Variants in NDRG1 observed in about 807,000 individuals in gnomAD.
NDRG1 encodes N-myc downstream regulated 1.
A neutral mutation model predicts 56.9 loss-of-function variants in NDRG1; 32 were observed. The ratio of observed to expected loss-of-function variants is 0.56; its 90% CI spans 0.42 to 0.76. The LOEUF is 0.76. NDRG1 is among the 30% of genes least tolerant of loss of function. The pLI is 0.00. For missense variants in NDRG1, 507 were observed against 545.7 expected, an observed-to-expected ratio of 0.93 and a Z score of 0.71; for synonymous variants, 211 against 204.1, an observed-to-expected ratio of 1.03 and a Z score of -0.29.
At chr8:133,281,492 A>G (rs896517974) in intron 2 of NDRG1, among the ~76,000 whole-genome samples, 2 of 152,132 alleles carry the variant, frequency 1.3e-5, no homozygotes, top group Non-Finnish European at 2.9e-5. Flanking sequence ...GACTCGGAGG[A>G]CCAACTGGAG....
chr8:133,285,768 C>G (rs1858077001), intron 1 of NDRG1, among the ~76,000 whole-genome samples: 1 of 147,754 alleles, frequency 6.8e-6, no homozygotes, highest in Non-Finnish European at 1.5e-5. Context: ...AGTCTATGCT[C>G]CAGAACATTC....
Position 133,238,456 on chromosome 8 carries a change from T to C in NDRG1, c.*422A>G. On this transcript the variant is annotated 3_prime_UTR_variant, in exon 16 of 16. Coordinates refer to ENST00000323851, the MANE Select transcript of NDRG1 (RefSeq NM_006096.4). ...TGTTTCCGGAAACTGGATCAGCTTC[T>C]CCTCAGTTAAAGAGGAAACGGGAAG... 1 of 265,416 alleles carries C rather than the reference T, an allele frequency of 3.8e-6. No individual in the cohort carries two copies. Among genetic ancestry groups the C allele is most frequent in the Non-Finnish European group, 7.2e-6 (1 of 139,202 alleles). 16.4% of individuals were successfully genotyped at this position (265,416 alleles called of 1,614,324 possible).
At position 133,237,917 on chromosome 8, in the gene NDRG1, A is replaced by G; in HGVS notation, c.*961T>C. 4.3e-6 allele frequency: 1 copy of G among 232,676 alleles called. No individual in the cohort carries two copies. Among genetic ancestry groups the G allele is most frequent in the African/African-American group, 2.2e-5 (1 of 45,308 alleles). 14.4% of individuals were successfully genotyped at this position (232,676 alleles called of 1,614,324 possible). A position where few individuals can be genotyped will look rare whatever the true frequency, so the allele number is the denominator to read the frequency against. ...GAATCCCTTACATCGAGTAACCCCA[A>G]TTCCACCCCCACCCCAGTGCTCCTA... On this transcript the variant is annotated 3_prime_UTR_variant, in exon 16 of 16. Transcript: ENST00000323851.
intron 3 of NDRG1, among the ~76,000 whole-genome samples, chr8:133,272,341 G>A (rs187666270): frequency 6.6e-6 from 1 of 152,356 alleles, no homozygotes; most frequent in African/African-American, 2.4e-5. Context: ...TGGAGCAGGG[G>A]AGGGCGACAA....
Position 133,297,237 on chromosome 8 carries a change from G to A in NDRG1, c.-122C>T, listed in dbSNP as rs1035458947. ...ACTGACGAGCTTCAGCACCAGCTGG[G>A]AGCCAGGCGAGGTTTGTTTACGTCC... On this transcript the variant is annotated 5_prime_UTR_variant, in exon 1 of 16. Transcript: ENST00000323851. The A allele has an allele frequency of 2.0e-5, 3 of 152,170 alleles. No homozygotes were observed. The highest frequency in any genetic ancestry group is 2.9e-5 in the Non-Finnish European group (2 of 68,068). 9.4% of individuals were successfully genotyped at this position (152,170 alleles called of 1,614,324 possible).
At chr8:133,264,829 G>A in intron 3 of NDRG1, 177 bp from the exon 4 acceptor site, 1 of 654,546 alleles carries the variant, frequency 1.5e-6, no homozygotes, top group South Asian at 1.7e-5. Context: ...AAGGACCAGG[G>A]CTAGGAGGGG....
intron 6 of NDRG1, 62 bp downstream of exon 6, chr8:133,259,106 A>G (rs1451639877): frequency 6.4e-7 from 1 of 1,554,938 alleles, no homozygotes. Context: ...GCCAAGGGGC[A>G]GGAAGATGCT....
At chr8:133,253,540 C>T (rs1856191571) in intron 9 of NDRG1, among the ~76,000 whole-genome samples, 1 of 152,190 alleles carries the variant, frequency 6.6e-6, no homozygotes, top group East Asian at 1.9e-4. Context: ...GGACTGAGCC[C>T]AGCCCAGCAC....
intron 2 of NDRG1, among the ~76,000 whole-genome samples, chr8:133,280,509 C>A (rs1338311600): frequency 6.6e-6 from 1 of 151,760 alleles, no homozygotes; most frequent in African/African-American, 2.4e-5. Context: ...CTGCAAGCTC[C>A]GCCTCCCAGG....
chr8:133,253,717 A>G (rs1292620714), intron 9 of NDRG1, among the ~76,000 whole-genome samples: 1 of 152,186 alleles, frequency 6.6e-6, no homozygotes, highest in Non-Finnish European at 1.5e-5. Context: ...TTTTTAAGAG[A>G]CAGGGTCTCT....
chr8:133,248,085 T>A (rs1002987093), intron 11 of NDRG1, among the ~76,000 whole-genome samples, 159 bp from the exon 12 acceptor site: 1 of 152,232 alleles, frequency 6.6e-6, no homozygotes, highest in Non-Finnish European at 1.5e-5. Context: ...GATCTTAGGA[T>A]AACATTGGTT....
At chr8:133,281,590 C>G (rs1437341158) in intron 2 of NDRG1, among the ~76,000 whole-genome samples, 1 of 152,064 alleles carries the variant, frequency 6.6e-6, no homozygotes, top group Admixed American at 6.6e-5. Flanking sequence ...GAAAACTGAG[C>G]CCCAGCCTCA....
chr8:133,243,041 G>T (rs982927269), intron 14 of NDRG1, among the ~76,000 whole-genome samples: 1 of 152,196 alleles, frequency 6.6e-6, no homozygotes, highest in Admixed American at 6.5e-5. Context: ...ATACGTGCAA[G>T]GCGTATCTGT....
At chr8:133,240,957 T>C (rs547970094) in intron 15 of NDRG1, 1 of 152,300 alleles carries the variant, frequency 6.6e-6, no homozygotes, top group Non-Finnish European at 1.5e-5. Flanking sequence ...AGATAGCTTC[T>C]GTTGGAAGAG....
intron 3 of NDRG1, among the ~76,000 whole-genome samples, chr8:133,275,403 A>C (rs1299092922): frequency 1.3e-5 from 2 of 152,226 alleles, no homozygotes; most frequent in Admixed American, 6.5e-5. Flanking sequence ...AGCTTACAGG[A>C]ATAACACATT....
chr8:133,282,362 A>AT (rs1348021727), intron 2 of NDRG1, among the ~76,000 whole-genome samples: 1 of 152,240 alleles, frequency 6.6e-6, no homozygotes, highest in East Asian at 1.9e-4. Context: ...ATGTGTTCAT[A>AT]TACTGGGCAC....
At chr8:133,262,273 T>C (rs2233321) in intron 4 of NDRG1, 106 bp from the exon 5 acceptor site, 18 of 1,423,358 alleles carry the variant, frequency 1.3e-5, no homozygotes, top group Middle Eastern at 2.0e-4. Flanking sequence ...TATTCAGAAG[T>C]AGGAAGTGAA....
chr8:133,271,446 T>C (rs1163449569), intron 3 of NDRG1, among the ~76,000 whole-genome samples: 3 of 152,080 alleles, frequency 2.0e-5, no homozygotes, highest in African/African-American at 7.2e-5. Context: ...CCTCCCCCTA[T>C]ATTTTCCTGG....
At chr8:133,247,994 G>T in intron 11 of NDRG1, 68 bp from the exon 12 acceptor site, 1 of 1,499,842 alleles carries the variant, frequency 6.7e-7, no homozygotes, top group South Asian at 1.1e-5. Flanking sequence ...TCCCAGGCCT[G>T]CCAGGCTGGG....
Sources: allele counts gnomAD v4.1 joint callset (sites outside exome capture counted in the v4.1 genomes callset), GRCh38; gene constraint gnomAD v4.1.1; transcripts MANE v1.5; gene names NCBI Gene and HGNC (gene_info 2026-07-23, HGNC 2026-07-21).